MLIP: variants seen among roughly 807,000 people sequenced by gnomAD.
The protein encoded by MLIP is muscular LMNA-interacting protein.
A neutral mutation model predicts 84.8 loss-of-function variants in MLIP; 79 were observed. That is an observed-to-expected ratio of 0.93 (90% CI 0.78 to 1.12). MLIP has a LOEUF of 1.12. Among genes scored for constraint, MLIP ranks in the 50% most tolerant of loss-of-function variants. The pLI, the probability that MLIP is intolerant of heterozygous loss-of-function variation, is 0.00. For missense variants in MLIP, 1,257 were observed against 1,160.6 expected (o/e 1.08, Z -1.21); for synonymous variants, 504 against 463.0 (o/e 1.09, Z -1.14).
intron 11 of MLIP, among the ~76,000 whole-genome samples, chr6:54,224,138 C>A (rs1409946695): frequency 6.6e-6 from 1 of 151,618 alleles, no homozygotes; most frequent in Non-Finnish European, 1.5e-5. Context: ...AGCTAGAAAG[C>A]AGAACAGTTG....
chr6:54,172,969 T>C (rs1240116720), intron 9 of MLIP, among the ~76,000 whole-genome samples: 1 of 151,744 alleles, frequency 6.6e-6, no homozygotes, highest in African/African-American at 2.4e-5. Context: ...TAACAATATG[T>C]TGAATAGGGA....
chr6:54,111,051 T>C (rs1582165760), upstream of MLIP, among the ~76,000 whole-genome samples: 4 of 152,352 alleles, frequency 2.6e-5, 1 homozygote, highest in Admixed American at 2.6e-4. Context: ...TACCTCTAAA[T>C]GTTCTCTATG....
chr6:54,082,560 A>G (rs1004700435), intron 1 of MLIP, among the ~76,000 whole-genome samples: 2 of 152,238 alleles, frequency 1.3e-5, no homozygotes, highest in Non-Finnish European at 2.9e-5. Flanking sequence ...CGATGTATCC[A>G]TATTCACCTT....
intron 1 of MLIP, among the ~76,000 whole-genome samples, chr6:54,087,816 C>T (rs931458619): frequency 9.7e-4 from 144 of 149,170 alleles, no homozygotes; most frequent in African/African-American, 3.4e-3. Context: ...GAAAGATACT[C>T]TTTTTTTTTT....
intron 1 of MLIP, among the ~76,000 whole-genome samples, chr6:54,090,058 G>T (rs1767760957): frequency 6.6e-6 from 1 of 152,096 alleles, no homozygotes; most frequent in African/African-American, 2.4e-5. Flanking sequence ...TGAGTTGCAG[G>T]ATTGATCAGT....
At chr6:54,130,707 G>A (rs541192911) in intron 3 of MLIP, among the ~76,000 whole-genome samples, 20 of 152,222 alleles carry the variant, frequency 1.3e-4, no homozygotes, top group African/African-American at 4.3e-4. Flanking sequence ...GGAAGCCTAC[G>A]GGGAGGATGC....
chr6:54,142,919 A>AAC (rs1207340295), intron 4 of MLIP, among the ~76,000 whole-genome samples: 2 of 139,470 alleles, frequency 1.4e-5, no homozygotes, highest in East Asian at 4.0e-4. Flanking sequence ...CAACAACAAC[A>AAC]AAAAAAAAAC....
At chr6:54,168,651 G>T (rs1775440237) in intron 8 of MLIP, among the ~76,000 whole-genome samples, 1 of 151,786 alleles carries the variant, frequency 6.6e-6, no homozygotes, top group African/African-American at 2.4e-5. Context: ...ATGGATGAAT[G>T]AATCAAATAG....
chr6:54,021,580 C>T (rs1196111729), intron 1 of MLIP, among the ~76,000 whole-genome samples: 1 of 152,100 alleles, frequency 6.6e-6, no homozygotes, highest in Non-Finnish European at 1.5e-5. Context: ...ACAAGTAAAA[C>T]AAGATTCTTT....
intron 9 of MLIP, among the ~76,000 whole-genome samples, chr6:54,186,462 A>G (rs556097160): frequency 3.9e-5 from 6 of 152,308 alleles, no homozygotes; most frequent in East Asian, 1.9e-4. Context: ...CCAAGTTTGT[A>G]TTAGCCCATT....
At chr6:54,193,833 T>C (rs147066531) in intron 10 of MLIP, among the ~76,000 whole-genome samples, 93 of 152,248 alleles carry the variant, frequency 6.1e-4, no homozygotes, top group African/African-American at 2.0e-3. Context: ...TTCCTAGCTG[T>C]TGAGCTGAAT....
intron 11 of MLIP, among the ~76,000 whole-genome samples, chr6:54,210,062 A>G (rs1243671932): frequency 2.0e-5 from 3 of 151,934 alleles, no homozygotes; most frequent in Non-Finnish European, 4.4e-5. Context: ...CTAAAGTGTC[A>G]GGAAGAAATT....
At chr6:54,252,449 GTATATTATAACAT>G (rs1782695096) in intron 12 of MLIP, among the ~76,000 whole-genome samples, 1 of 86,210 alleles carries the variant, frequency 1.2e-5, no homozygotes, top group African/African-American at 7.1e-5. Context: ...TATAACTATA[GTATATTATAACAT>G]ATAATATAAA....
At chr6:54,131,388 T>C (rs1423945413) in intron 3 of MLIP, among the ~76,000 whole-genome samples, 1 of 152,178 alleles carries the variant, frequency 6.6e-6, no homozygotes, top group Admixed American at 6.5e-5. Context: ...AATTTTTATT[T>C]TTTTTAAAGA....
At chr6:54,140,573 C>G (rs959033939) in intron 4 of MLIP, among the ~76,000 whole-genome samples, 1 of 152,096 alleles carries the variant, frequency 6.6e-6, no homozygotes, top group African/African-American at 2.4e-5. Context: ...ATAGCTTCTG[C>G]AAAAATAGAA....
At position 54,230,838 on chromosome 6, in the gene MLIP, C is replaced by A; in HGVS notation, c.2843C>A (p.Pro948His). ...LSHADCLAPG[P>H]FSHLSFSLSD... is the part of the protein sequence containing the mutation. ...CATGCTGACTGTCTTGCCCCAGGAC[C>A]CTTCAGTCATCTGTCCTTCTCCTTG... Residue 948 changes from proline (P) to histidine (H), a missense_variant, in exon 12 of 14, where the codon CCC becomes CAC. Physicochemically the swap from Pro to His is moderately conservative, Grantham distance 77. Transcript: ENST00000502396. 6.2e-7 allele frequency: 1 copy of A among 1,614,004 alleles called. No individual in the cohort carries two copies. Among genetic ancestry groups the A allele is most frequent in the Non-Finnish European group, 8.5e-7 (1 of 1,179,978 alleles).
At chr6:54,240,009 T>C (rs373010905) in intron 12 of MLIP, among the ~76,000 whole-genome samples, 1 of 152,130 alleles carries the variant, frequency 6.6e-6, no homozygotes, top group African/African-American at 2.4e-5. Context: ...GTCTGCAGAG[T>C]CTATTTGTAA....
chr6:54,127,885 C>T (rs767679464), intron 3 of MLIP, among the ~76,000 whole-genome samples: 9 of 152,038 alleles, frequency 5.9e-5, no homozygotes, highest in Admixed American at 2.6e-4. Context: ...AAAAAAGAGA[C>T]TTGAATGTTC....
intron 1 of MLIP, among the ~76,000 whole-genome samples, chr6:54,120,528 C>G (rs966342344): frequency 6.6e-6 from 1 of 152,190 alleles, no homozygotes. Context: ...CAGGAGCCAC[C>G]GCTCCCGGCT....
Sources: allele counts gnomAD v4.1 joint callset (sites outside exome capture counted in the v4.1 genomes callset), GRCh38; gene constraint gnomAD v4.1.1; transcripts MANE v1.5; gene names NCBI Gene and HGNC (gene_info 2026-07-23, HGNC 2026-07-21).